TCF20: variants seen among roughly 807,000 people sequenced by gnomAD.
The protein encoded by TCF20 is transcription factor 20.
In TCF20, 3 loss-of-function variants were observed where a neutral mutation model predicts 148.6. The ratio of observed to expected loss-of-function variants is 0.02; its 90% CI spans 0.01 to 0.05. TCF20 has a LOEUF of 0.05. Among genes scored for constraint, TCF20 ranks in the 10% least tolerant of loss-of-function variants. TCF20 has a pLI of 1.00. For synonymous variants in TCF20, 1,049 were observed against 909.5 expected, an observed-to-expected ratio of 1.15 and a Z score of -2.76; for missense variants, 2,350 against 2,429.3, an observed-to-expected ratio of 0.97 and a Z score of 0.69.
chr22:42,323,559 C>G (rs552009366), intron 1 of TCF20, among the ~76,000 whole-genome samples: 1 of 151,794 alleles, frequency 6.6e-6, no homozygotes, highest in Admixed American at 6.6e-5. Context: ...TGCAGGGCTC[C>G]AAAGTGAGAG....
intron 1 of TCF20, among the ~76,000 whole-genome samples, chr22:42,255,098 G>A (rs1055491782): frequency 1.3e-5 from 2 of 151,682 alleles, no homozygotes; most frequent in Non-Finnish European, 2.9e-5. Flanking sequence ...CAGTTTTCTC[G>A]TTTGAAAAAC....
intron 3 of TCF20, among the ~76,000 whole-genome samples, chr22:42,172,838 G>C (rs537904661): frequency 4.2e-4 from 64 of 152,314 alleles, no homozygotes; most frequent in African/African-American, 1.5e-3. Flanking sequence ...TGCAGGGCTT[G>C]GGACACAGGG....
chr22:42,216,184 G>C (rs1921783401), intron 1 of TCF20, among the ~76,000 whole-genome samples: 1 of 136,970 alleles, frequency 7.3e-6, no homozygotes, highest in African/African-American at 2.8e-5. Context: ...CAAACACCTG[G>C]CTTCAAATGA....
chr22:42,214,833 C>G lies in TCF20; in HGVS notation c.473G>C (p.Gly158Ala). The G allele has an allele frequency of 6.2e-7, 1 of 1,614,066 alleles. No homozygotes were observed. Among genetic ancestry groups the G allele is most frequent in the Non-Finnish European group, 8.5e-7 (1 of 1,180,024 alleles). Residue 158 changes from glycine (G) to alanine (A), a missense_variant, in exon 2 of 6, where the codon GGG (glycine) becomes GCG (alanine). Physicochemically the swap from Gly to Ala is moderately conservative, Grantham distance 60 (BLOSUM62 0). Around this residue, in one of 7 missense-constraint regions of TCF20, gnomAD observed 1,641 missense variants for 1,662.6 expected, o/e 0.99. Coordinates refer to ENST00000677622, the MANE Select transcript of TCF20 (RefSeq NM_001378418.1). ...GVSHYQQDYT[G>A]PFSPGSAQYQ... ...CTGAGCACTCCCTGGAGAGAAAGGC[C>G]CAGTGTAATCCTGCTGATAATGTGA... is the stretch of plus-strand genomic sequence containing the variant.
At chr22:42,277,853 T>G (rs1488681804) in intron 1 of TCF20, among the ~76,000 whole-genome samples, 1 of 152,186 alleles carries the variant, frequency 6.6e-6, no homozygotes, top group African/African-American at 2.4e-5. Context: ...AGTTTCCATA[T>G]CCCTCTTCCT....
At chr22:42,281,169 G>A (rs1430728886) in intron 1 of TCF20, among the ~76,000 whole-genome samples, 2 of 152,108 alleles carry the variant, frequency 1.3e-5, no homozygotes, top group Non-Finnish European at 2.9e-5. Context: ...CTCAGAATGT[G>A]GCCTGGGCTG....
rs997254099 is a variant in TCF20 at position 42,317,111 on chromosome 22, C to T, written c.-37+26368G>A. ...GAGCACTGGCAACACTATCCGTCTG[C>T]CTCCCCTGCAGACTGAGCGCTCTGT... is the stretch of plus-strand genomic sequence containing the variant. On this transcript the variant is annotated intron_variant, in intron 1 of 1. Transcript: ENST00000515426. The surrounding 1 kb of genome is among the most constrained non-coding windows in gnomAD (Gnocchi z 4.2). 2.6e-5 allele frequency among the ~76,000 whole-genome samples: 4 copies of T among 152,220 alleles called. No homozygotes were observed. Among genetic ancestry groups the T allele is most frequent in the Admixed American group, 6.5e-5 (1 of 15,288 alleles).
At chr22:42,179,728 T>C (rs376575603) in intron 2 of TCF20, 26 bp from the exon 3 acceptor site, 4 of 1,550,646 alleles carry the variant, frequency 2.6e-6, no homozygotes, top group Non-Finnish European at 3.6e-6. Flanking sequence ...AAGTCAGGCA[T>C]GTCAGTATCC....
At chr22:42,255,747 G>C (rs752512784) in intron 1 of TCF20, among the ~76,000 whole-genome samples, 1 of 151,838 alleles carries the variant, frequency 6.6e-6, no homozygotes, top group Non-Finnish European at 1.5e-5. Flanking sequence ...ATCTGTTTCC[G>C]GCCCTCCCCT....
rs1372204526 is a variant in TCF20, at chr22:42,323,794, T to C, written c.-37+19685A>G. ...GACAACTGTACCTACTTTCCAAGGCTGTGAGGATTAAATGGGAGAGTGAGC... is the reference window on the plus strand; with the variant it reads ...GACAACTGTACCTACTTTCCAAGGCCGTGAGGATTAAATGGGAGAGTGAGC... On this transcript the variant is annotated intron_variant, in intron 1 of 1. Coordinates refer to the TCF20 transcript ENST00000515426. Among the ~76,000 whole-genome samples, 3 of 149,992 alleles carry C rather than the reference T, an allele frequency of 2.0e-5. No individual in the cohort carries two copies. The East Asian group carries it at 5.9e-4, about 29-fold the overall frequency.
chr22:42,273,839 C>G (rs906737044), upstream of TCF20: 2 of 152,648 alleles, frequency 1.3e-5, no homozygotes, highest in Admixed American at 1.3e-4. Context: ...CTCCTCTGCC[C>G]TCCTCCAGGC....
chr22:42,176,531 G>A (rs1362940772), intron 3 of TCF20, among the ~76,000 whole-genome samples: 1 of 152,102 alleles, frequency 6.6e-6, no homozygotes, highest in Non-Finnish European at 1.5e-5. Context: ...TATGGACAGC[G>A]TGGCTGCCTC....
intron 3 of TCF20, 83 bp downstream of exon 3, chr22:42,179,522 GAAAA>G (rs1328873526): frequency 1.7e-6 from 1 of 587,324 alleles, no homozygotes; most frequent in Non-Finnish European, 2.7e-6. Context: ...GAAAAGAAAA[GAAAA>G]AAAACAACGA....
rs926245239 is a variant in TCF20 at position 42,282,851 on chromosome 22, A to G, written c.-37+976T>C. ...TGTCTCCAGCTCTTCACTGTAAAAT[A>G]AATGCAAGAAGCACACGCCAGATAG... On this transcript the variant is annotated intron_variant, in intron 1 of 5. Coordinates refer to the TCF20 transcript ENST00000359486. 9.9e-5 allele frequency among the ~76,000 whole-genome samples: 15 copies of G among 151,926 alleles called. 1 individual carries two copies. Among genetic ancestry groups the G allele is most frequent in the Non-Finnish European group, 1.5e-4 (10 of 67,970 alleles).
chr22:42,341,499 G>C (rs1042712372), intron 1 of TCF20, among the ~76,000 whole-genome samples: 3 of 152,116 alleles, frequency 2.0e-5, no homozygotes, highest in African/African-American at 7.2e-5. Context: ...CTGGGCCCCT[G>C]AACTCAAAGG....
intron 2 of TCF20, among the ~76,000 whole-genome samples, chr22:42,196,100 T>A (rs1456449609): frequency 6.6e-6 from 1 of 152,226 alleles, no homozygotes. Flanking sequence ...CTGTTGGGTC[T>A]GTGTAACCTG....
chr22:42,324,061 AT>A (rs1927812604), intron 1 of TCF20, among the ~76,000 whole-genome samples: 1 of 3,776 alleles, frequency 2.6e-4, no homozygotes, highest in Non-Finnish European at 1.2e-3. Context: ...GGTGGTGGTG[AT>A]GGAGGTTATG....
chr22:42,311,218 G>A (rs910931482), intron 1 of TCF20, among the ~76,000 whole-genome samples: 1 of 152,218 alleles, frequency 6.6e-6, no homozygotes, highest in Admixed American at 6.5e-5. Context: ...GGGTCCCTGC[G>A]GGGCTGGCGA....
chr22:42,223,398 A>T (rs1922562079), intron 1 of TCF20, among the ~76,000 whole-genome samples: 1 of 152,166 alleles, frequency 6.6e-6, no homozygotes, highest in Non-Finnish European at 1.5e-5. Context: ...GGAAGATCCA[A>T]ATGCATATTT....
Sources: gnomAD v4.1 joint callset for allele counts (sites outside exome capture counted in the v4.1 genomes callset) on GRCh38, gnomAD v4.1.1 for gene constraint, gnomAD v4.1.1 regional missense constraint, Gnocchi (gnomAD v3.1) non-coding constraint, MANE v1.5 for transcripts, NCBI Gene and HGNC (gene_info 2026-07-23, HGNC 2026-07-21) for gene names.